The following BRWD3 variants were observed in gnomAD, a reference collection of about 807,000 sequenced individuals.
BRWD3 encodes the protein bromodomain and WD repeat domain containing 3.
A neutral mutation model predicts 149.7 loss-of-function variants in BRWD3; 10 were observed. That is an observed-to-expected ratio of 0.07 (90% confidence interval 0.04 to 0.11). The LOEUF (loss-of-function observed/expected upper bound fraction) is 0.11, where lower values mean the gene tolerates loss of function less well. Ranked by LOEUF, BRWD3 falls within the 10% of genes least tolerant of loss-of-function variation. The pLI, the probability that BRWD3 is intolerant of heterozygous loss-of-function variation, is 1.00. For missense variants in BRWD3, 940 were observed against 1,373.2 expected (o/e 0.68, Z 4.99); for synonymous variants, 504 against 456.7 (o/e 1.10, Z -1.32).
In BRWD3 at chrX:80,673,885, G is replaced by A. The variant is rs918889052; in HGVS notation, c.*2724C>T. 4 of 110,699 alleles carry A rather than the reference G, an allele frequency of 3.6e-5. No individual in the cohort carries two copies. The Admixed American group carries it at 3.9e-4, about 11-fold the overall frequency. The allele number at this position is 110,699 out of a possible 1,213,427, so 9.1% of individuals were successfully genotyped here. A position where few individuals can be genotyped will look rare whatever the true frequency, so the allele number is the denominator to read the frequency against. On this transcript the variant is annotated 3_prime_UTR_variant, in exon 41 of 41. Coordinates refer to ENST00000373275, the MANE Select transcript of BRWD3 (RefSeq NM_153252.5). ...TGCTATGGCTGGACCCAGATTTTAC[G>A]TAGGTTTAAAGGGCCTCAAAGAAAT...
intron 8 of BRWD3, chrX:80,743,772 C>A: frequency 3.2e-6 from 1 of 312,453 alleles, no homozygotes. Context: ...AGGTTTTCTC[C>A]CTTCTTAACA....
intron 35 of BRWD3, among the ~76,000 whole-genome samples, chrX:80,686,556 C>CT (rs2147683404): frequency 9.1e-6 from 1 of 110,366 alleles, no homozygotes; most frequent in Non-Finnish European, 1.9e-5. Flanking sequence ...CACCAAACAT[C>CT]TACAGTGTAC....
At chrX:80,696,458 A>C (rs1327403339) in intron 26 of BRWD3, among the ~76,000 whole-genome samples, 1 of 106,976 alleles carries the variant, frequency 9.3e-6, no homozygotes, top group Non-Finnish European at 1.9e-5. Flanking sequence ...TGAAGACATA[A>C]ATTCAGAGAG....
At chrX:80,746,907 G>A in intron 6 of BRWD3, 2 of 671,704 alleles carry the variant, frequency 3.0e-6, no homozygotes, top group Non-Finnish European at 3.5e-6. Context: ...AATGAATAAT[G>A]AATAGCAAAA....
intron 26 of BRWD3, among the ~76,000 whole-genome samples, chrX:80,696,316 T>C (rs1162726527): frequency 1.8e-5 from 2 of 111,115 alleles, no homozygotes; most frequent in Non-Finnish European, 3.8e-5. Flanking sequence ...CTCTGACTTA[T>C]TATTCCTATT....
intron 6 of BRWD3, among the ~76,000 whole-genome samples, chrX:80,768,159 G>T (rs760166045): frequency 1.8e-5 from 2 of 111,812 alleles, no homozygotes; most frequent in East Asian, 5.6e-4. Flanking sequence ...ACACTCTTCA[G>T]GATATTTTCC....
At chrX:80,787,925 A>T (rs987271715) in intron 6 of BRWD3, among the ~76,000 whole-genome samples, 4 of 108,559 alleles carry the variant, frequency 3.7e-5, no homozygotes, top group Non-Finnish European at 7.6e-5. Context: ...TCTACTAAAA[A>T]TACAAAAAAT....
intron 21 of BRWD3, among the ~76,000 whole-genome samples, chrX:80,709,009 T>C (rs1193799052): frequency 9.0e-6 from 1 of 111,522 alleles, no homozygotes; most frequent in Non-Finnish European, 1.9e-5. Flanking sequence ...CTGAGAAAAA[T>C]CAACATTCAA....
intron 24 of BRWD3, among the ~76,000 whole-genome samples, chrX:80,701,264 G>A (rs1352395502): frequency 9.1e-6 from 1 of 110,377 alleles, no homozygotes; most frequent in Non-Finnish European, 1.9e-5. Flanking sequence ...AGCAGTGATA[G>A]AGGCTAGGCA....
intron 8 of BRWD3, among the ~76,000 whole-genome samples, chrX:80,738,211 G>T (rs964860570): frequency 2.7e-5 from 3 of 112,221 alleles, no homozygotes; most frequent in African/African-American, 9.7e-5. Context: ...TGCCTTAATA[G>T]AATTGTTTTA....
chrX:80,718,252 G>T (rs146034263), intron 18 of BRWD3, among the ~76,000 whole-genome samples: 4,558 of 111,594 alleles, frequency 0.041, 86 homozygotes, highest in Non-Finnish European at 0.06. Context: ...ACGAAAGAAA[G>T]AAAACAAAGT....
intron 6 of BRWD3, among the ~76,000 whole-genome samples, chrX:80,771,896 T>C (rs1354531367): frequency 9.0e-6 from 1 of 111,488 alleles, no homozygotes; most frequent in Non-Finnish European, 1.9e-5. Flanking sequence ...ATCAGAGAAA[T>C]GCAAATCAAA....
chrX:80,789,385 CT>C (rs59916134), intron 6 of BRWD3, among the ~76,000 whole-genome samples: 1 of 108,799 alleles, frequency 9.2e-6, no homozygotes, highest in African/African-American at 3.3e-5. Flanking sequence ...TTTTTTTTTT[CT>C]TTTTTTTGAG....
intron 17 of BRWD3, 127 bp downstream of exon 17, chrX:80,722,435 G>A (rs2073163946): frequency 6.3e-6 from 4 of 638,982 alleles, no homozygotes; most frequent in Non-Finnish European, 9.9e-6. Context: ...AAAATAAACA[G>A]TAACAGAAGA....
intron 4 of BRWD3, among the ~76,000 whole-genome samples, chrX:80,795,147 C>T (rs989440219): frequency 9.0e-6 from 1 of 110,892 alleles, no homozygotes; most frequent in East Asian, 2.8e-4. Flanking sequence ...CAACAAAAAT[C>T]GTGTTGCATT....
At chrX:80,733,976 T>G in intron 11 of BRWD3, 142 bp downstream of exon 11, 1 of 481,465 alleles carries the variant, frequency 2.1e-6, no homozygotes, top group Non-Finnish European at 3.7e-6. Context: ...AAGTATAGTA[T>G]GTATAGTAGT....
chrX:80,736,295 G>T (rs1181145026), intron 8 of BRWD3, among the ~76,000 whole-genome samples: 1 of 111,251 alleles, frequency 9.0e-6, no homozygotes, highest in East Asian at 2.8e-4. Context: ...TATAGGAAAA[G>T]TAACTGAACT....
At chrX:80,809,327 G>A in intron 1 of BRWD3, 23 bp from the exon 2 acceptor site, 1 of 1,179,166 alleles carries the variant, frequency 8.5e-7, no homozygotes. Context: ...GGGGAAAAGA[G>A]GTTCAGAGGG....
intron 19 of BRWD3, chrX:80,717,318 C>T (rs2073087107): frequency 5.5e-6 from 2 of 364,726 alleles, no homozygotes; most frequent in Non-Finnish European, 4.8e-6. Flanking sequence ...GTATTCTTTT[C>T]TTCTAATCTA....
Sources: gnomAD v4.1 joint callset for allele counts (sites outside exome capture counted in the v4.1 genomes callset) on GRCh38, gnomAD v4.1.1 for gene constraint, MANE v1.5 for transcripts, NCBI Gene and HGNC (gene_info 2026-07-23, HGNC 2026-07-21) for gene names.